EML4: variants seen among roughly 807,000 people sequenced by gnomAD.
EML4 encodes EMAP like 4.
Under a neutral mutation model 129.0 loss-of-function variants are expected in EML4, and 72 were observed. That is an observed-to-expected ratio of 0.56 (90% CI 0.46 to 0.68). The LOEUF (loss-of-function observed/expected upper bound fraction) is 0.68, where lower values mean the gene tolerates loss of function less well. Ranked by LOEUF, EML4 falls within the 30% of genes least tolerant of loss-of-function variation. The probability of loss-of-function intolerance (pLI) is 0.00; values close to 1 mark genes in which losing one functional copy is unlikely to be tolerated. For missense variants in EML4, 1,363 were observed against 1,190.6 expected, an observed-to-expected ratio of 1.14 and a Z score of -2.13; for synonymous variants, 532 against 405.0, an observed-to-expected ratio of 1.31 and a Z score of -3.77.
chr2:42,284,224 A>T (rs987515477), intron 8 of EML4, among the ~76,000 whole-genome samples: 1 of 152,246 alleles, frequency 6.6e-6, no homozygotes, highest in Non-Finnish European at 1.5e-5. Context: ...TCAAGTCAGC[A>T]TGTATGAGGA....
intron 17 of EML4, among the ~76,000 whole-genome samples, chr2:42,315,265 CTG>C (rs1444710738): frequency 6.6e-6 from 1 of 152,192 alleles, no homozygotes; most frequent in Non-Finnish European, 1.5e-5. Flanking sequence ...ATGAGTTCCT[CTG>C]TTATATTGCG....
At position 42,183,782 on chromosome 2, in the gene EML4, A is replaced by G. The variant is rs567387466; in HGVS notation, c.25+14146A>G. Reference sequence around the variant, plus strand: ...TATTAAATAATCTGGCTGTATTTCAATAAAATCTTTTTTTTCAGGTTAATT... The same window carrying G: ...TATTAAATAATCTGGCTGTATTTCAGTAAAATCTTTTTTTTCAGGTTAATT... On this transcript the variant is annotated intron_variant, in intron 1 of 22. Coordinates refer to ENST00000318522, the MANE Select transcript of EML4 (RefSeq NM_019063.5). Among the ~76,000 whole-genome samples, 7 of 152,136 alleles carry G rather than the reference A, an allele frequency of 4.6e-5. No individual in the cohort carries two copies. In the South Asian group the frequency reaches 1.5e-3, roughly 32 times the overall value.
chr2:42,313,300 C>T (rs1295832847), intron 17 of EML4, among the ~76,000 whole-genome samples: 1 of 152,154 alleles, frequency 6.6e-6, no homozygotes, highest in Non-Finnish European at 1.5e-5. Context: ...TGTCTCATAT[C>T]ACCCTTAAAT....
intron 13 of EML4, among the ~76,000 whole-genome samples, chr2:42,298,728 G>A (rs942526953): frequency 4.6e-5 from 7 of 151,902 alleles, no homozygotes; most frequent in Non-Finnish European, 1.0e-4. Context: ...CATTCTGGGA[G>A]GATTTTAAGT....
chr2:42,227,131 G>A (rs1250784462), intron 1 of EML4, among the ~76,000 whole-genome samples: 1 of 151,826 alleles, frequency 6.6e-6, no homozygotes, highest in African/African-American at 2.4e-5. Context: ...TTCCCCTTGA[G>A]GTAAGATCTC....
chr2:42,312,946 C>CT lies in EML4; in HGVS notation c.1968-2996dup, dbSNP rs753939714. Among the ~76,000 whole-genome samples the CT allele has an allele frequency of 7.0e-3, 796 of 114,286 alleles. 18 individuals carry two copies. Among genetic ancestry groups the CT allele is most frequent in the East Asian group, 0.047 (190 of 4,038 alleles). 75.0% of individuals were successfully genotyped at this position (114,286 alleles called of 152,430 possible). ...CTTTCCCTACTGAACCAATGTATATCTTTTTTTTTTTTTTTTTTTTGAGAT... is the reference window on the plus strand; with the variant it reads ...CTTTCCCTACTGAACCAATGTATATCTTTTTTTTTTTTTTTTTTTTTGAGAT... On this transcript the variant is annotated intron_variant, in intron 17 of 22. Coordinates refer to ENST00000318522, the MANE Select transcript of EML4 (RefSeq NM_019063.5).
At chr2:42,259,903 G>C (rs1427594741) in intron 3 of EML4, among the ~76,000 whole-genome samples, 1 of 151,090 alleles carries the variant, frequency 6.6e-6, no homozygotes, top group Non-Finnish European at 1.5e-5. Context: ...CTAATTTTTT[G>C]TATTTGTTAG....
chr2:42,295,507 G>C lies in EML4; in HGVS notation c.1480G>C (p.Gly494Arg). 1 of 1,611,558 alleles carries C rather than the reference G, an allele frequency of 6.2e-7. No individual in the cohort carries two copies. The highest frequency in any genetic ancestry group is 1.7e-5 in the Admixed American group (1 of 59,364). The change falls in exon 13 of 23, where the codon GGA becomes CGA. Residue 494 changes from glycine to arginine, a missense_variant. Gly to Arg is a moderately radical substitution (Grantham distance 125). Transcript: ENST00000318522. ...KTTVEPTPGKGPKGVYQISKQ... is the reference protein window; with the variant it reads ...KTTVEPTPGKRPKGVYQISKQ... ...TACTGTAGAGCCCACACCTGGGAAA[G>C]GACCTAAAGGTACAGTATTCTTATA...
rs1015844767 is a variant in EML4, at chr2:42,246,118, T to C, written c.208+431T>C. Among the ~76,000 whole-genome samples the C allele has an allele frequency of 4.6e-5, 7 of 152,250 alleles. 1 individual carries two copies. Among genetic ancestry groups the C allele is most frequent in the Admixed American group, 4.6e-4 (7 of 15,284 alleles). On this transcript the variant is annotated intron_variant, in intron 2 of 22. Coordinates refer to ENST00000318522, the MANE Select transcript of EML4 (RefSeq NM_019063.5). ...TTTATTCTGAACCCTCTGTGGTTGT[T>C]AGCAGAATCCTGAAAAAATTAATTT...
rs777829033 is a variant in EML4 at position 42,329,016 on chromosome 2, G to T, written c.2472G>T (p.Lys824Asn). 2 of 1,609,900 alleles carry T rather than the reference G, an allele frequency of 1.2e-6. No homozygotes were observed. Among genetic ancestry groups the T allele is most frequent in the African/African-American group, 1.3e-5 (1 of 74,832 alleles). The change falls in exon 22 of 23, where the codon AAG becomes AAT. Residue 824 changes from lysine (K) to asparagine (N), a missense_variant and splice_region_variant. Transcript: ENST00000318522. ...HLFQYPCSKA[K>N]APSHKYSAHS... ...TTCAGTATCCCTGCTCCAAAGCAAAGGTAAACTCACTTTAATAGAAACTAA... is the reference window on the plus strand; with the variant it reads ...TTCAGTATCCCTGCTCCAAAGCAAATGTAAACTCACTTTAATAGAAACTAA...
chr2:42,212,034 T>G (rs1672915095), intron 1 of EML4, among the ~76,000 whole-genome samples: 1 of 151,970 alleles, frequency 6.6e-6, no homozygotes, highest in Non-Finnish European at 1.5e-5. Context: ...TTAGTAGAGA[T>G]GGGGTTTTGC....
intron 6 of EML4, among the ~76,000 whole-genome samples, chr2:42,265,114 C>T (rs1016564512): frequency 6.6e-5 from 10 of 151,474 alleles, no homozygotes; most frequent in Admixed American, 3.3e-4. Context: ...TTTTTGAGAC[C>T]GAGTCTCATT....
At chr2:42,246,641 A>G (rs767478611) in intron 2 of EML4, among the ~76,000 whole-genome samples, 10 of 152,216 alleles carry the variant, frequency 6.6e-5, no homozygotes, top group African/African-American at 1.2e-4. Context: ...TGAATTACAT[A>G]TGGATCTAGT....
intron 1 of EML4, among the ~76,000 whole-genome samples, chr2:42,231,809 C>T (rs994744242): frequency 1.1e-4 from 16 of 152,056 alleles, no homozygotes; most frequent in Non-Finnish European, 1.8e-4. Flanking sequence ...ATTAGCCAGG[C>T]GTCATGGCGG....
intron 22 of EML4, among the ~76,000 whole-genome samples, chr2:42,329,311 T>G (rs557871104): frequency 1.3e-5 from 2 of 152,338 alleles, no homozygotes; most frequent in Non-Finnish European, 2.9e-5. Flanking sequence ...CCTAAATATT[T>G]TAAAATATTT....
intron 19 of EML4, among the ~76,000 whole-genome samples, chr2:42,318,157 C>T (rs1361943417): frequency 6.6e-6 from 1 of 152,184 alleles, no homozygotes; most frequent in African/African-American, 2.4e-5. Flanking sequence ...TCAAGAAGTA[C>T]AGTCCAACTC....
In EML4 at chr2:42,282,967, G is replaced by A; in HGVS notation, c.936G>A (p.Val312=). ...QRHYLGHTDC[V]KCLAIHPDKI... is the part of the protein sequence containing the mutation. ...ACTACCTGGGCCATACAGACTGTGT[G>A]AAATGGTTGGTATCATTTAACATTG... The change falls in exon 8 of 23, where the codon GTG becomes GTA. Residue 312 remains valine (V), a synonymous_variant. Transcript: ENST00000318522. 1 of 1,607,984 alleles carries A rather than the reference G, an allele frequency of 6.2e-7. No homozygotes were observed. The highest frequency in any genetic ancestry group is 8.5e-7 in the Non-Finnish European group (1 of 1,178,240).
chr2:42,318,559 T>G (rs1312312591), intron 19 of EML4, among the ~76,000 whole-genome samples: 1 of 152,204 alleles, frequency 6.6e-6, no homozygotes, highest in African/African-American at 2.4e-5. Context: ...TCATTATCCA[T>G]TAATTTATTT....
chr2:42,263,887 G>A (rs35645450), intron 5 of EML4, among the ~76,000 whole-genome samples: 6,956 of 151,676 alleles, frequency 0.046, 215 homozygotes, highest in Non-Finnish European at 0.067. Flanking sequence ...GCACCACCAC[G>A]CCCAGCTAAT....
Sources: allele counts gnomAD v4.1 joint callset (sites outside exome capture counted in the v4.1 genomes callset), GRCh38; gene constraint gnomAD v4.1.1; transcripts MANE v1.5; gene names NCBI Gene and HGNC (gene_info 2026-07-23, HGNC 2026-07-21).